The following SGMS1 variants were observed in gnomAD, a reference collection of about 807,000 sequenced individuals.
The protein encoded by SGMS1 is sphingomyelin synthase 1, also known as phosphatidylcholine:ceramide cholinephosphotransferase 1.
A neutral mutation model predicts 46.2 loss-of-function variants in SGMS1; 13 were observed. That is an observed-to-expected ratio of 0.28 (90% confidence interval 0.18 to 0.45). The LOEUF is 0.45. Among genes scored for constraint, SGMS1 ranks in the 20% least tolerant of loss-of-function variants. The pLI, the probability that SGMS1 is intolerant of heterozygous loss-of-function variation, is 1.00. For missense variants in SGMS1, 324 were observed against 519.9 expected (o/e 0.62, Z 3.66); for synonymous variants, 203 against 187.8 (o/e 1.08, Z -0.66).
intron 6 of SGMS1, among the ~76,000 whole-genome samples, chr10:50,406,939 C>T (rs1026938826): frequency 5.3e-5 from 8 of 152,156 alleles, no homozygotes; most frequent in African/African-American, 1.7e-4. Context: ...AGGTCCTGCG[C>T]TCCTGGCCTC....
intron 6 of SGMS1, among the ~76,000 whole-genome samples, chr10:50,403,342 A>G (rs1355145708): frequency 2.0e-5 from 3 of 152,122 alleles, no homozygotes; most frequent in South Asian, 2.1e-4. Context: ...ATTAGCTTAA[A>G]CCCATCCCAG....
At chr10:50,621,864 G>A (rs1167566879) in intron 1 of SGMS1, among the ~76,000 whole-genome samples, 3 of 152,166 alleles carry the variant, frequency 2.0e-5, no homozygotes, top group Non-Finnish European at 2.9e-5. Flanking sequence ...ACTGCATGGC[G>A]GCAGCAGCCA....
At chr10:50,522,168 T>C (rs943715271) in intron 2 of SGMS1, among the ~76,000 whole-genome samples, 4 of 152,196 alleles carry the variant, frequency 2.6e-5, no homozygotes, top group Non-Finnish European at 5.9e-5. Flanking sequence ...GTCCTATTTT[T>C]TCAGTGACTT....
intron 2 of SGMS1, among the ~76,000 whole-genome samples, chr10:50,522,542 A>G (rs917208810): frequency 1.3e-5 from 2 of 152,158 alleles, no homozygotes; most frequent in South Asian, 4.1e-4. Context: ...TCTTTCCATT[A>G]TAAGGTAAAC....
intron 6 of SGMS1, among the ~76,000 whole-genome samples, chr10:50,426,739 A>T (rs1212071910): frequency 6.6e-6 from 1 of 152,240 alleles, no homozygotes; most frequent in Non-Finnish European, 1.5e-5. Flanking sequence ...CATTGGCTTG[A>T]CATAGAAACC....
intron 1 of SGMS1, among the ~76,000 whole-genome samples, chr10:50,595,347 T>C (rs1244701988): frequency 6.6e-6 from 1 of 152,102 alleles, no homozygotes; most frequent in Non-Finnish European, 1.5e-5. Context: ...GGCTAACGTT[T>C]TTGTGCTTTT....
chr10:50,553,781 A>G (rs1358746123), intron 2 of SGMS1, among the ~76,000 whole-genome samples: 2 of 152,214 alleles, frequency 1.3e-5, no homozygotes, highest in African/African-American at 4.8e-5. Flanking sequence ...CTTCTTGCAT[A>G]GGTCATCTAC....
intron 1 of SGMS1, among the ~76,000 whole-genome samples, chr10:50,622,457 T>A (rs1838862603): frequency 6.6e-6 from 1 of 151,994 alleles, no homozygotes; most frequent in Non-Finnish European, 1.5e-5. Context: ...CATCAGACAT[T>A]CGCCACTTCC....
At chr10:50,356,383 C>A (rs145609396) in intron 6 of SGMS1, among the ~76,000 whole-genome samples, 26 of 149,712 alleles carry the variant, frequency 1.7e-4, no homozygotes, top group South Asian at 8.5e-4. Flanking sequence ...GTCATCACCA[C>A]TCCCTAATCT....
At chr10:50,334,598 A>G (rs1847685253) in intron 7 of SGMS1, 1 of 152,218 alleles carries the variant, frequency 6.6e-6, no homozygotes, top group Non-Finnish European at 1.5e-5. Context: ...ACACATCACC[A>G]GCAGTCACTA....
At chr10:50,347,156 C>T (rs760612452) in intron 6 of SGMS1, among the ~76,000 whole-genome samples, 2 of 152,166 alleles carry the variant, frequency 1.3e-5, no homozygotes, top group African/African-American at 4.8e-5. Flanking sequence ...CTAGACTCCC[C>T]AAAGAGCCTA....
At chr10:50,585,698 A>T (rs1838476968) in intron 2 of SGMS1, among the ~76,000 whole-genome samples, 2 of 152,224 alleles carry the variant, frequency 1.3e-5, no homozygotes, top group Admixed American at 6.5e-5. Flanking sequence ...TTTCAAATTC[A>T]TAGGAGACTC....
chr10:50,379,091 C>T (rs1848563095), intron 6 of SGMS1, among the ~76,000 whole-genome samples: 1 of 152,144 alleles, frequency 6.6e-6, no homozygotes, highest in African/African-American at 2.4e-5. Flanking sequence ...TTAGTTAAGA[C>T]TGTCATAACC....
intron 5 of SGMS1, among the ~76,000 whole-genome samples, chr10:50,449,664 T>C (rs201846182): frequency 2.7e-5 from 4 of 150,256 alleles, no homozygotes; most frequent in East Asian, 2.0e-4. Context: ...TGTGTGTGTG[T>C]ACACACATGC....
intron 2 of SGMS1, among the ~76,000 whole-genome samples, chr10:50,544,310 C>G (rs1838081265): frequency 6.6e-6 from 1 of 152,198 alleles, no homozygotes; most frequent in South Asian, 2.1e-4. Flanking sequence ...CACAGGGAGA[C>G]ACGGAGGATA....
chr10:50,358,902 T>G (rs575843416), intron 6 of SGMS1, among the ~76,000 whole-genome samples: 1 of 152,208 alleles, frequency 6.6e-6, no homozygotes, highest in South Asian at 2.1e-4. Flanking sequence ...ACAAAAATGG[T>G]TAAAGTAACA....
chr10:50,388,066 T>C (rs1422809559), intron 6 of SGMS1, among the ~76,000 whole-genome samples: 1 of 152,178 alleles, frequency 6.6e-6, no homozygotes, highest in Non-Finnish European at 1.5e-5. Context: ...AGCTTTAGAC[T>C]AAACTTGATT....
intron 4 of SGMS1, among the ~76,000 whole-genome samples, chr10:50,465,448 T>C (rs1837317840): frequency 6.6e-6 from 1 of 152,112 alleles, no homozygotes; most frequent in Non-Finnish European, 1.5e-5. Flanking sequence ...TGAGAAAATA[T>C]TGCATCTATC....
At chr10:50,508,556 T>C (rs181476671) in intron 3 of SGMS1, among the ~76,000 whole-genome samples, 2 of 152,302 alleles carry the variant, frequency 1.3e-5, no homozygotes, top group East Asian at 3.9e-4. Context: ...TCTGATGGGA[T>C]TTCACTGTGA....
Sources: gnomAD v4.1 joint callset for allele counts (sites outside exome capture counted in the v4.1 genomes callset) on GRCh38, gnomAD v4.1.1 for gene constraint, MANE v1.5 for transcripts, NCBI Gene and HGNC (gene_info 2026-07-23, HGNC 2026-07-21) for gene names.